The following PDE4DIP variants were observed in gnomAD, a reference collection of about 807,000 sequenced individuals.
PDE4DIP encodes the protein phosphodiesterase 4D interacting protein.
In PDE4DIP, 59 loss-of-function variants were observed where a neutral mutation model predicts 221.4. That is an observed-to-expected ratio of 0.27 (90% CI 0.22 to 0.33). PDE4DIP has a LOEUF of 0.33. Ranked by LOEUF, PDE4DIP falls within the 10% of genes least tolerant of loss-of-function variation. The pLI is 1.00. For missense variants in PDE4DIP, 1,036 were observed against 2,154.2 expected (o/e 0.48, Z 10.28); for synonymous variants, 404 against 815.9 (o/e 0.50, Z 8.60).
intron 1 of PDE4DIP, among the ~76,000 whole-genome samples, chr1:148,927,638 C>T (rs3845312): frequency 0.044 from 6,721 of 151,442 alleles, 89 homozygotes; most frequent in East Asian, 0.27. Flanking sequence ...CTAGTACCCA[C>T]AATACTACTT....
rs371694072 is a variant in PDE4DIP at position 149,004,144 on chromosome 1, G to A, written c.3886+414G>A. On this transcript the variant is annotated intron_variant, in intron 26 of 43. Transcript: ENST00000369354. ...TGAGGCAGTGTAGTGTGGCAGTTAA[G>A]AGACAAGATCCTGGGGCCAGACTGG... Among the ~76,000 whole-genome samples the A allele has an allele frequency of 9.8e-4, 149 of 152,100 alleles. 1 individual carries two copies. In the East Asian group the frequency reaches 0.028, roughly 29 times the overall value.
intron 1 of PDE4DIP, among the ~76,000 whole-genome samples, chr1:148,922,847 A>C (rs1460666183): frequency 6.6e-6 from 1 of 150,670 alleles, no homozygotes; most frequent in Admixed American, 6.6e-5. Flanking sequence ...CGGCCTCCCA[A>C]AGTGCTGGGA....
At chr1:148,820,547 C>T (rs1459797959) in intron 1 of PDE4DIP, among the ~76,000 whole-genome samples, 1 of 116,660 alleles carries the variant, frequency 8.6e-6, no homozygotes, top group Non-Finnish European at 1.8e-5. Context: ...AGCCTGGAAA[C>T]TCCATCTCAA....
chr1:148,883,231 A>G (rs1694474670), intron 3 of PDE4DIP, among the ~76,000 whole-genome samples: 1 of 146,734 alleles, frequency 6.8e-6, no homozygotes, highest in African/African-American at 2.5e-5. Context: ...GATCATATTT[A>G]TTGTCTATGT....
At chr1:149,028,492 A>C (rs587628340) in intron 40 of PDE4DIP, 68 bp from the exon 44 acceptor site, 2 of 1,452,486 alleles carry the variant, frequency 1.4e-6, no homozygotes, top group Non-Finnish European at 1.9e-6. Context: ...TCACTCACAA[A>C]GGAAGCTTGA....
exon 31 of PDE4DIP, chr1:149,010,504 A>G (rs1553604298): frequency 3.1e-6 from 5 of 1,611,904 alleles, no homozygotes; most frequent in Non-Finnish European, 4.2e-6. Flanking sequence ...CAACCAGTGC[A>G]TCTCAGGGGG....
intron 4 of PDE4DIP, among the ~76,000 whole-genome samples, 167 bp from the exon 8 acceptor site, chr1:148,937,580 G>A (rs1461226166): frequency 1.3e-5 from 2 of 152,154 alleles, no homozygotes; most frequent in African/African-American, 4.8e-5. Flanking sequence ...TTTGGGGGCT[G>A]GGCAGAAAAT....
chr1:148,967,546 G>T (rs1318491679), intron 12 of PDE4DIP, among the ~76,000 whole-genome samples, 180 bp from the exon 16 acceptor site: 1 of 152,168 alleles, frequency 6.6e-6, no homozygotes, highest in East Asian at 1.9e-4. Flanking sequence ...CCACAAACTA[G>T]ATAAAAGTTT....
chr1:148,932,389 CACT>C (rs782492252), intron 4 of PDE4DIP, 101 bp downstream of exon 7: 54 of 1,002,164 alleles, frequency 5.4e-5, no homozygotes, highest in Non-Finnish European at 7.7e-5. Context: ...GTAGGAGCTT[CACT>C]ATTTCTAAGA....
intron 12 of PDE4DIP, among the ~76,000 whole-genome samples, chr1:148,967,221 C>T (rs587646987): frequency 1.3e-5 from 2 of 151,680 alleles, no homozygotes; most frequent in Non-Finnish European, 2.9e-5. Flanking sequence ...TTTCTGTTTA[C>T]ATAGTTCTGA....
intron 21 of PDE4DIP, among the ~76,000 whole-genome samples, chr1:148,989,003 AAGTT>A (rs1286506269): frequency 2.6e-5 from 4 of 152,170 alleles, no homozygotes; most frequent in Admixed American, 1.3e-4. Context: ...AAAATATTCC[AAGTT>A]AGTTCTGAAG....
chr1:148,905,252 C>T (rs1244383881), intron 1 of PDE4DIP, among the ~76,000 whole-genome samples: 352 of 124,790 alleles, frequency 2.8e-3, no homozygotes, highest in Non-Finnish European at 4.6e-3. Context: ...GGTGCGATCT[C>T]GGCTCACTAC....
In PDE4DIP at chr1:148,999,473, T is replaced by G. The variant is rs1186304379; in HGVS notation, c.3137+1098T>G. On this transcript the variant is annotated intron_variant, in intron 23 of 43. Transcript: ENST00000369354. The stretch of plus-strand genomic sequence containing the variant: ...GCCTAGAAAGTTTCAAGTGACTTGC[T>G]CAAGGTTGCATAATATCTGTGGCTC... Among the ~76,000 whole-genome samples the G allele has an allele frequency of 2.6e-5, 4 of 152,352 alleles. No individual in the cohort carries two copies. The South Asian group carries it at 8.3e-4, about 32-fold the overall frequency.
At chr1:148,930,026 G>A (rs1553468513) in intron 2 of PDE4DIP, 1 of 151,570 alleles carries the variant, frequency 6.6e-6, no homozygotes, top group East Asian at 1.9e-4. Context: ...TACTGAGGAA[G>A]AGTGAGATCA....
intron 30 of PDE4DIP, among the ~76,000 whole-genome samples, 153 bp downstream of exon 33, chr1:149,009,944 C>T (rs1335134040): frequency 6.6e-6 from 1 of 152,186 alleles, no homozygotes; most frequent in Non-Finnish European, 1.5e-5. Context: ...AGGATCTTTG[C>T]TCTGCTCCTG....
intron 5 of PDE4DIP, among the ~76,000 whole-genome samples, chr1:148,949,526 T>C (rs1172143239): frequency 6.6e-6 from 1 of 152,002 alleles, no homozygotes; most frequent in East Asian, 1.9e-4. Flanking sequence ...TTGTCCAAAA[T>C]TCAAATGATA....
At chr1:148,951,914 C>T (rs1255537290) in intron 5 of PDE4DIP, 1 of 541,136 alleles carries the variant, frequency 1.8e-6, no homozygotes, top group African/African-American at 2.0e-5. Context: ...CTTCCCTCGC[C>T]TGCCTCGCAG....
At chr1:149,031,538 C>T (rs587696336) in intron 43 of PDE4DIP, among the ~76,000 whole-genome samples, 24 of 151,574 alleles carry the variant, frequency 1.6e-4, no homozygotes, top group African/African-American at 5.3e-4. Flanking sequence ...AGAGGGCTTC[C>T]CAGCAAAATG....
chr1:148,934,794 G>A (rs587613353), intron 4 of PDE4DIP, among the ~76,000 whole-genome samples: 2,688 of 151,952 alleles, frequency 0.018, 18 homozygotes, highest in Non-Finnish European at 0.03. Context: ...AGTAGAGACA[G>A]GGTTTCACTA....
Sources: gnomAD v4.1 joint callset for allele counts (sites outside exome capture counted in the v4.1 genomes callset) on GRCh38, gnomAD v4.1.1 for gene constraint, MANE v1.5 for transcripts, NCBI Gene and HGNC (gene_info 2026-07-23, HGNC 2026-07-21) for gene names.